The following KAZN variants were observed in gnomAD, a reference collection of about 807,000 sequenced individuals.
The protein encoded by KAZN is kazrin.
KAZN carries 40 observed loss-of-function variants against 87.4 expected under a neutral mutation model. The observed-to-expected ratio is 0.46, with a 90% confidence interval of 0.36 to 0.60. The LOEUF (loss-of-function observed/expected upper bound fraction) is 0.60. KAZN is among the 20% of genes least tolerant of loss of function. The probability of loss-of-function intolerance (pLI) is 0.00; values close to 1 mark genes in which losing one functional copy is unlikely to be tolerated. For synonymous variants in KAZN, 466 were observed against 458.3 expected (o/e 1.02, Z -0.22); for missense variants, 898 against 1,073.9 (o/e 0.84, Z 2.29).
At chr1:14,752,236 C>CTT (rs1178322576) in intron 1 of KAZN, among the ~76,000 whole-genome samples, 1 of 152,194 alleles carries the variant, frequency 6.6e-6, no homozygotes, top group Non-Finnish European at 1.5e-5. Context: ...AGGGATCCAA[C>CTT]TTTAACATGA....
chr1:14,171,236 G>A (rs991527071), intron 1 of KAZN, among the ~76,000 whole-genome samples: 2 of 152,206 alleles, frequency 1.3e-5, no homozygotes, highest in Non-Finnish European at 2.9e-5. Flanking sequence ...GCTATGAATA[G>A]TGCTGTTGTG....
chr1:14,175,740 G>A (rs111261979), intron 1 of KAZN, among the ~76,000 whole-genome samples: 3 of 152,284 alleles, frequency 2.0e-5, no homozygotes, highest in African/African-American at 7.2e-5. Context: ...TAATAGTAAT[G>A]TCTGTGCATG....
chr1:14,370,701 T>C (rs759735427), intron 2 of KAZN, among the ~76,000 whole-genome samples: 1 of 152,190 alleles, frequency 6.6e-6, no homozygotes, highest in East Asian at 1.9e-4. Flanking sequence ...CTCTTTTTTA[T>C]TTAAGTTTGA....
intron 1 of KAZN, among the ~76,000 whole-genome samples, chr1:14,666,194 A>G (rs1199116027): frequency 6.6e-6 from 1 of 152,098 alleles, no homozygotes; most frequent in Non-Finnish European, 1.5e-5. Context: ...TGTATCTACC[A>G]GAGAAGATCT....
At chr1:15,009,685 G>A (rs1042170690) in intron 2 of KAZN, among the ~76,000 whole-genome samples, 1 of 152,232 alleles carries the variant, frequency 6.6e-6, no homozygotes, top group Non-Finnish European at 1.5e-5. Context: ...CCACTGGGCA[G>A]AGGCATAAAA....
chr1:14,587,859 A>G lies in KAZN; in HGVS notation c.250-11124A>G, dbSNP rs935883756. Among the ~76,000 whole-genome samples, 9 of 152,152 alleles carry G rather than the reference A, an allele frequency of 5.9e-5. 1 individual carries two copies. Among genetic ancestry groups the G allele is most frequent in the Non-Finnish European group, 1.3e-4 (9 of 68,026 alleles). On this transcript the variant is annotated intron_variant, in intron 2 of 16. Transcript: ENST00000636203. ...TTCCCCTTCTACGCACCTCCCCAGA[A>G]AAAAAGATGACTGTTCCAACATCAT...
At chr1:13,918,212 C>T (rs1639932498) in intron 1 of KAZN, among the ~76,000 whole-genome samples, 1 of 152,206 alleles carries the variant, frequency 6.6e-6, no homozygotes, top group South Asian at 2.1e-4. Flanking sequence ...AGGGATTCAT[C>T]ATTCTAGATG....
chr1:14,949,359 G>A lies in KAZN; in HGVS notation c.227-11325G>A, dbSNP rs1427237487. On this transcript the variant is annotated intron_variant, in intron 1 of 14. Transcript: ENST00000376030. This position sits in a 1 kb window ranked among gnomAD's most constrained non-coding sequence, Gnocchi z 4.3. ...GGCAGCTGGCCAGGCCCTGAGCAGA[G>A]GCCAGCACTTCCCCATCCCTCCTGC... is the stretch of plus-strand genomic sequence containing the variant. 1.3e-5 allele frequency among the ~76,000 whole-genome samples: 2 copies of A among 152,078 alleles called. No homozygotes were observed. Among genetic ancestry groups the A allele is most frequent in the Admixed American group, 6.5e-5 (1 of 15,286 alleles).
rs1640804735 is a variant in KAZN at position 15,096,360 on chromosome 1, A to T, written c.1547+1427A>T. Among the ~76,000 whole-genome samples, 1 of 152,254 alleles carries T rather than the reference A, an allele frequency of 6.6e-6. No homozygotes were observed. Among genetic ancestry groups the T allele is most frequent in the Non-Finnish European group, 1.5e-5 (1 of 68,044 alleles). ...CTTTTGTAGTGGGGGCAAGGGCAGA[A>T]AAACAAAAACACTAAAAGCCACTTT... On this transcript the variant is annotated intron_variant, in intron 10 of 14. Coordinates refer to ENST00000376030, the MANE Select transcript of KAZN (RefSeq NM_201628.3). This position sits in a 1 kb window ranked among gnomAD's most constrained non-coding sequence, Gnocchi z 4.5.
chr1:14,484,841 T>C (rs2148398006), intron 2 of KAZN, among the ~76,000 whole-genome samples: 1 of 152,294 alleles, frequency 6.6e-6, no homozygotes, highest in East Asian at 1.9e-4. Context: ...CTCAGACATG[T>C]TTCACAGCAA....
chr1:13,925,948 C>T (rs61777400), intron 1 of KAZN, among the ~76,000 whole-genome samples: 21,489 of 152,040 alleles, frequency 0.14, 1,684 homozygotes, highest in Non-Finnish European at 0.18. Flanking sequence ...AGGGTCTCCC[C>T]TGGGTGGCCC....
intron 2 of KAZN, among the ~76,000 whole-genome samples, chr1:14,492,461 G>A (rs1017625843): frequency 6.6e-6 from 1 of 151,620 alleles, no homozygotes; most frequent in Non-Finnish European, 1.5e-5. Context: ...AAATCAACGG[G>A]AAGAAGATGG....
At chr1:14,063,620 T>C (rs1277631932) in intron 1 of KAZN, among the ~76,000 whole-genome samples, 2 of 152,160 alleles carry the variant, frequency 1.3e-5, no homozygotes, top group Non-Finnish European at 2.9e-5. Flanking sequence ...TATTTAAAAG[T>C]ACATTACGGT....
chr1:14,053,480 G>A (rs756095780), intron 1 of KAZN, among the ~76,000 whole-genome samples: 10 of 152,114 alleles, frequency 6.6e-5, no homozygotes, highest in Admixed American at 5.9e-4. Context: ...TTGGTAGCTT[G>A]TTACCCAACA....
At chr1:14,607,230 C>A (rs1279805002) in intron 1 of KAZN, among the ~76,000 whole-genome samples, 4 of 152,186 alleles carry the variant, frequency 2.6e-5, no homozygotes, top group Admixed American at 6.5e-5. Flanking sequence ...GTTTCAAATT[C>A]TTTACCTATA....
At chr1:14,647,271 T>C (rs1680877745) in intron 1 of KAZN, among the ~76,000 whole-genome samples, 1 of 152,140 alleles carries the variant, frequency 6.6e-6, no homozygotes. Flanking sequence ...GTAAAAGTAA[T>C]GAAAAGAAAT....
At chr1:14,849,944 T>C (rs1022904617) in intron 1 of KAZN, among the ~76,000 whole-genome samples, 1 of 151,866 alleles carries the variant, frequency 6.6e-6, no homozygotes, top group Non-Finnish European at 1.5e-5. Flanking sequence ...CCCCCTTTTT[T>C]TTTTTTTTGA....
chr1:14,817,553 A>G (rs530659679), intron 1 of KAZN, among the ~76,000 whole-genome samples: 154 of 152,332 alleles, frequency 1.0e-3, no homozygotes, highest in Non-Finnish European at 1.5e-3. Flanking sequence ...GCCTAAAACA[A>G]TAGTTGGCAC....
intron 1 of KAZN, among the ~76,000 whole-genome samples, chr1:14,813,795 T>A (rs942517122): frequency 1.3e-5 from 2 of 152,190 alleles, no homozygotes; most frequent in Non-Finnish European, 2.9e-5. Flanking sequence ...CATGGATACA[T>A]GGAATGCTGG....
Sources: gnomAD v4.1 joint callset for allele counts (sites outside exome capture counted in the v4.1 genomes callset) on GRCh38, gnomAD v4.1.1 for gene constraint, Gnocchi (gnomAD v3.1) non-coding constraint, MANE v1.5 for transcripts, NCBI Gene and HGNC (gene_info 2026-07-23, HGNC 2026-07-21) for gene names.